FAT3: variants seen among roughly 807,000 people sequenced by gnomAD.
The protein encoded by FAT3 is FAT atypical cadherin 3, also known as protocadherin Fat 3.
FAT3 carries 95 observed loss-of-function variants against 310.2 expected under a neutral mutation model. That is an observed-to-expected ratio of 0.31 (90% CI 0.26 to 0.36). FAT3 has a LOEUF of 0.36. FAT3 is among the 10% of genes least tolerant of loss of function. The probability of loss-of-function intolerance (pLI) is 1.00; values close to 1 mark genes in which losing one functional copy is unlikely to be tolerated. For synonymous variants in FAT3, 2,314 were observed against 2,192.9 expected (o/e 1.06, Z -1.54); for missense variants, 5,408 against 5,715.6 (o/e 0.95, Z 1.74).
At chr11:92,289,891 A>G (rs1946649730) in intron 1 of FAT3, among the ~76,000 whole-genome samples, 4 of 152,234 alleles carry the variant, frequency 2.6e-5, no homozygotes, top group Admixed American at 2.0e-4. Context: ...TGCTCAAAAC[A>G]CTAAGGGTTT....
At position 92,800,766 on chromosome 11, in the gene FAT3, A is replaced by C; in HGVS notation, c.7753A>C (p.Thr2585Pro). The C allele has an allele frequency of 6.2e-7, 1 of 1,613,944 alleles. No individual in the cohort carries two copies. Among genetic ancestry groups the C allele is most frequent in the Non-Finnish European group, 8.5e-7 (1 of 1,179,874 alleles). Residue 2585 changes from threonine to proline, a missense_variant, in exon 10 of 28, where the codon ACT becomes CCT. This residue lies in a region of FAT3 where 4,588 missense variants were observed against 4,809.8 expected (regional missense o/e 0.95). Transcript: ENST00000525166. The part of the protein sequence containing the change: ...LDGGGRTTFC[T>P]VRVIVVDEND... ...TGGTGGAGGGAGAACAACTTTCTGCACTGTGAGAGTGATTGTTGTGGATGA... is the reference window on the plus strand; with the variant it reads ...TGGTGGAGGGAGAACAACTTTCTGCCCTGTGAGAGTGATTGTTGTGGATGA...
intron 3 of FAT3, among the ~76,000 whole-genome samples, chr11:92,646,736 G>T (rs1191525176): frequency 1.3e-5 from 2 of 152,164 alleles, no homozygotes; most frequent in African/African-American, 4.8e-5. Flanking sequence ...TACTGGAGAA[G>T]AGTATTCCCA....
At chr11:92,321,256 G>A (rs1283224601) in intron 1 of FAT3, among the ~76,000 whole-genome samples, 2 of 152,002 alleles carry the variant, frequency 1.3e-5, no homozygotes, top group East Asian at 1.9e-4. Context: ...CTAACACGGT[G>A]AAACCCCATC....
Position 92,352,245 on chromosome 11 carries a change from C to T in FAT3, c.133C>T (p.His45Tyr). The change falls in exon 2 of 28, where the codon CAT becomes TAT. Residue 45 changes from histidine to tyrosine, a missense_variant. This residue lies in a region of FAT3 where 152 missense variants were observed against 188.3 expected (regional missense o/e 0.81). Transcript: ENST00000525166. The part of the protein sequence containing the change: ...GTGPLGFHFT[H>Y]SIYNATVYEN... ...TGGACCCCTGGGCTTCCACTTCACA[C>T]ATTCCATTTATAATGCTACCGTGTA... The T allele has an allele frequency of 2.1e-6, 3 of 1,402,890 alleles. No homozygotes were observed. The highest frequency in any genetic ancestry group is 2.9e-6 in the Non-Finnish European group (3 of 1,045,792). The allele number at this position is 1,402,890 out of a possible 1,614,324, so 86.9% of individuals were successfully genotyped here.
At chr11:92,226,419 G>T (rs1362881649) in intron 1 of FAT3, among the ~76,000 whole-genome samples, 1 of 151,864 alleles carries the variant, frequency 6.6e-6, no homozygotes, top group African/African-American at 2.4e-5. Context: ...GGTGGCGGGG[G>T]CGTGCTTGGG....
chr11:92,666,385 T>A (rs1233690317), intron 3 of FAT3, among the ~76,000 whole-genome samples: 1 of 148,730 alleles, frequency 6.7e-6, no homozygotes, highest in African/African-American at 2.5e-5. Context: ...GGAATCTCGC[T>A]CTGTTGCCTA....
intron 1 of FAT3, among the ~76,000 whole-genome samples, chr11:92,338,639 C>T (rs1948155493): frequency 6.6e-6 from 1 of 152,024 alleles, no homozygotes; most frequent in Non-Finnish European, 1.5e-5. Flanking sequence ...CCTATGTTGA[C>T]TTGAGAAGAT....
chr11:92,844,022 T>A lies in FAT3; in HGVS notation c.10655T>A (p.Ile3552Asn). 1 of 1,613,980 alleles carries A rather than the reference T, an allele frequency of 6.2e-7. No homozygotes were observed. The highest frequency in any genetic ancestry group is 8.5e-7 in the Non-Finnish European group (1 of 1,179,882). ...GAAAGCACCCACAAGCCCACAGCCA[T>A]TCCCCTGGAAATTTTCATTGTCACC... Reference protein sequence around the residue: ...IEESTHKPTAIPLEIFIVTME... With the variant: ...IEESTHKPTANPLEIFIVTME... The change falls in exon 19 of 28, where the codon ATT (isoleucine) becomes AAT (asparagine). Residue 3552 changes from isoleucine to asparagine, a missense_variant. Transcript: ENST00000525166.
In FAT3 at chr11:92,337,753, A is replaced by G. The variant is rs776640893; in HGVS notation, c.-17-14343A>G. ...ACGGAAAGTAGTTCTTGAAAACAAT[A>G]GTATAGTCTATTGGATTATTCAAGT... On this transcript the variant is annotated intron_variant, in intron 1 of 27. Transcript: ENST00000525166. Among the ~76,000 whole-genome samples the G allele has an allele frequency of 1.6e-4, 24 of 152,376 alleles. 1 individual carries two copies. The highest frequency in any genetic ancestry group is 5.9e-4 in the Admixed American group (9 of 15,306).
intron 1 of FAT3, chr11:92,314,349 T>A (rs1383312142): frequency 2.1e-6 from 2 of 935,716 alleles, no homozygotes; most frequent in Non-Finnish European, 2.5e-6. Flanking sequence ...TGATAATTTT[T>A]ACATTTGTAA....
At chr11:92,720,878 T>C (rs1484352654) in intron 4 of FAT3, among the ~76,000 whole-genome samples, 1 of 152,264 alleles carries the variant, frequency 6.6e-6, no homozygotes, top group Non-Finnish European at 1.5e-5. Context: ...TCAGTGTTTT[T>C]TATCCCTTTA....
intron 3 of FAT3, among the ~76,000 whole-genome samples, chr11:92,548,942 T>C (rs1954708341): frequency 6.6e-6 from 1 of 152,194 alleles, no homozygotes; most frequent in Non-Finnish European, 1.5e-5. Context: ...GTGTCAACCA[T>C]GTATTGTTGG....
chr11:92,477,468 A>G (rs1376871380), intron 2 of FAT3, among the ~76,000 whole-genome samples: 2 of 152,200 alleles, frequency 1.3e-5, no homozygotes, highest in Non-Finnish European at 2.9e-5. Flanking sequence ...CTGTCCTTTT[A>G]TAAGTACTTG....
chr11:92,483,088 G>A (rs181532206), intron 2 of FAT3, among the ~76,000 whole-genome samples: 1 of 152,292 alleles, frequency 6.6e-6, no homozygotes, highest in East Asian at 1.9e-4. Context: ...TAAACTGAGA[G>A]ATGTTGGCAT....
At chr11:92,404,119 G>A (rs1950087874) in intron 2 of FAT3, among the ~76,000 whole-genome samples, 2 of 151,982 alleles carry the variant, frequency 1.3e-5, no homozygotes, top group Admixed American at 1.3e-4. Flanking sequence ...ACAACTACAG[G>A]TTTTGGAACT....
intron 4 of FAT3, among the ~76,000 whole-genome samples, chr11:92,711,764 A>G (rs1304235918): frequency 6.6e-6 from 1 of 152,222 alleles, no homozygotes; most frequent in African/African-American, 2.4e-5. Flanking sequence ...AAGAACCTAA[A>G]CATGTAACCT....
At chr11:92,826,248 C>A (rs1591785318) in intron 13 of FAT3, among the ~76,000 whole-genome samples, 1 of 152,180 alleles carries the variant, frequency 6.6e-6, no homozygotes, top group East Asian at 1.9e-4. Context: ...TAGTCAAGAA[C>A]CCAAGCTTTG....
chr11:92,490,681 AT>A (rs2135234911), intron 2 of FAT3, among the ~76,000 whole-genome samples: 2 of 152,208 alleles, frequency 1.3e-5, no homozygotes, highest in African/African-American at 4.8e-5. Flanking sequence ...AAAAAGCTCA[AT>A]TTTTATCCTG....
At chr11:92,541,745 T>G (rs1954455620) in intron 3 of FAT3, among the ~76,000 whole-genome samples, 1 of 152,128 alleles carries the variant, frequency 6.6e-6, no homozygotes, top group Non-Finnish European at 1.5e-5. Context: ...ACTGTCATTT[T>G]ATTATGTTTG....
Sources: gnomAD v4.1 joint callset for allele counts (sites outside exome capture counted in the v4.1 genomes callset) on GRCh38, gnomAD v4.1.1 for gene constraint, gnomAD v4.1.1 regional missense constraint, MANE v1.5 for transcripts, NCBI Gene and HGNC (gene_info 2026-07-23, HGNC 2026-07-21) for gene names.